The following RANBP2 variants were observed in gnomAD, a reference collection of about 807,000 sequenced individuals.
The protein encoded by RANBP2 is E3 SUMO-protein ligase RanBP2.
A neutral mutation model predicts 303.6 loss-of-function variants in RANBP2; 57 were observed. The observed-to-expected ratio is 0.19, with a 90% CI of 0.15 to 0.23. The LOEUF (loss-of-function observed/expected upper bound fraction) is 0.23. RANBP2 is among the 10% of genes least tolerant of loss of function. The probability of loss-of-function intolerance (pLI) is 1.00; values close to 1 mark genes in which losing one functional copy is unlikely to be tolerated. For missense variants in RANBP2, 3,138 were observed against 3,780.8 expected, an observed-to-expected ratio of 0.83 and a Z score of 4.46; for synonymous variants, 1,167 against 1,301.5, an observed-to-expected ratio of 0.90 and a Z score of 2.23.
At chr2:109,514,115 C>G in the RANBP2 span, among the ~76,000 whole-genome samples, 1 of 152,170 alleles carries the variant, frequency 6.6e-6, no homozygotes, top group African/African-American at 2.4e-5. Flanking sequence ...TTATGTTGCT[C>G]CATCAAGTGC....
the RANBP2 span, among the ~76,000 whole-genome samples, chr2:109,668,973 G>A: frequency 6.6e-6 from 1 of 152,120 alleles, no homozygotes; most frequent in African/African-American, 2.4e-5. Flanking sequence ...GTACTAGGAA[G>A]CTGCAGTAAC....
the RANBP2 span, among the ~76,000 whole-genome samples, chr2:109,434,478 G>A: frequency 2.0e-5 from 3 of 152,206 alleles, no homozygotes; most frequent in East Asian, 1.9e-4. Context: ...TCGCCTGGCC[G>A]GGCAACTCCT....
At chr2:108,963,826 A>G in the RANBP2 span, among the ~76,000 whole-genome samples, 1 of 152,238 alleles carries the variant, frequency 6.6e-6, no homozygotes, top group Non-Finnish European at 1.5e-5. Flanking sequence ...GTGGGAAGAT[A>G]AGGCAGAAAG....
chr2:109,303,722 G>A, the RANBP2 span, among the ~76,000 whole-genome samples: 2 of 152,234 alleles, frequency 1.3e-5, no homozygotes, highest in Admixed American at 6.5e-5. Flanking sequence ...CTTTGTTGAG[G>A]CCTGGTTGGC....
chr2:109,120,335 T>C, the RANBP2 span, among the ~76,000 whole-genome samples: 3 of 151,982 alleles, frequency 2.0e-5, no homozygotes, highest in African/African-American at 7.3e-5. Flanking sequence ...CTTCCAGGGG[T>C]CAACCCCTCC....
At chr2:109,196,415 G>A in the RANBP2 span, among the ~76,000 whole-genome samples, 1 of 152,182 alleles carries the variant, frequency 6.6e-6, no homozygotes, top group Non-Finnish European at 1.5e-5. Context: ...GCAGCCTCCT[G>A]CTGTGGCATG....
At chr2:109,669,578 T>C in the RANBP2 span, among the ~76,000 whole-genome samples, 1 of 152,204 alleles carries the variant, frequency 6.6e-6, no homozygotes. Context: ...GGAACTCTCT[T>C]AGCCCCTGCT....
chr2:109,419,315 C>T, the RANBP2 span, among the ~76,000 whole-genome samples: 1 of 152,282 alleles, frequency 6.6e-6, no homozygotes, highest in East Asian at 1.9e-4. Flanking sequence ...AGAAGGCTCC[C>T]TGAGCTGCTG....
the RANBP2 span, among the ~76,000 whole-genome samples, chr2:108,872,795 G>A: frequency 6.6e-6 from 1 of 152,144 alleles, no homozygotes; most frequent in African/African-American, 2.4e-5. Context: ...CAGAGGACAA[G>A]CATTCAAACT....
the RANBP2 span, among the ~76,000 whole-genome samples, chr2:109,495,255 G>T: frequency 1.7e-4 from 26 of 152,198 alleles, no homozygotes; most frequent in Non-Finnish European, 3.2e-4. Flanking sequence ...ATGGCATCAG[G>T]TTAGAACCGT....
At chr2:109,034,850 T>G in the RANBP2 span, among the ~76,000 whole-genome samples, 2 of 152,174 alleles carry the variant, frequency 1.3e-5, no homozygotes, top group African/African-American at 4.8e-5. Flanking sequence ...CCAGTCATGG[T>G]TAGATTATCC....
chr2:109,553,789 G>A, the RANBP2 span, among the ~76,000 whole-genome samples: 3 of 151,850 alleles, frequency 2.0e-5, no homozygotes, highest in Non-Finnish European at 4.4e-5. Flanking sequence ...AGGAGGTGAA[G>A]GTTGCAGTGA....
At chr2:109,130,767 TTA>T in the RANBP2 span, among the ~76,000 whole-genome samples, 6 of 152,268 alleles carry the variant, frequency 3.9e-5, no homozygotes, top group Non-Finnish European at 7.4e-5. Flanking sequence ...TCATTTATAT[TTA>T]TTATTATTAT....
chr2:109,132,952 TG>T, the RANBP2 span, among the ~76,000 whole-genome samples: 1 of 152,266 alleles, frequency 6.6e-6, no homozygotes, highest in African/African-American at 2.4e-5. Flanking sequence ...ATTCCAATTT[TG>T]TTTTGAAAAT....
the RANBP2 span, chr2:109,141,707 C>T: frequency 1.3e-5 from 2 of 154,762 alleles, no homozygotes; most frequent in African/African-American, 2.4e-5. Context: ...CAGCATCTCC[C>T]AGGAGAAAGC....
chr2:109,633,518 C>A, the RANBP2 span, among the ~76,000 whole-genome samples: 3 of 152,150 alleles, frequency 2.0e-5, no homozygotes, highest in Non-Finnish European at 4.4e-5. Flanking sequence ...CCCAGGGAAG[C>A]AGCTACCACC....
the RANBP2 span, among the ~76,000 whole-genome samples, chr2:109,532,275 A>T: frequency 6.6e-6 from 1 of 152,236 alleles, no homozygotes; most frequent in Non-Finnish European, 1.5e-5. Context: ...TCACTACCAG[A>T]CTTGGGAATT....
chr2:109,577,492 T>C, the RANBP2 span, among the ~76,000 whole-genome samples: 15 of 151,176 alleles, frequency 9.9e-5, no homozygotes, highest in Non-Finnish European at 5.9e-5. Context: ...CTCAGGAGGC[T>C]GAGGCAGGAG....
At chr2:108,808,007 G>A in the RANBP2 span, among the ~76,000 whole-genome samples, 1 of 152,100 alleles carries the variant, frequency 6.6e-6, no homozygotes, top group Non-Finnish European at 1.5e-5. Context: ...ATTATATTCT[G>A]TACTTCTGTG....
Sources: allele counts gnomAD v4.1 joint callset (sites outside exome capture counted in the v4.1 genomes callset), GRCh38; gene constraint gnomAD v4.1.1; transcripts MANE v1.5; gene names NCBI Gene and HGNC (gene_info 2026-07-23, HGNC 2026-07-21).